The following EYS variants were observed in gnomAD, a reference collection of about 807,000 sequenced individuals.
EYS encodes EGF-like photoreceptor maintenance factor, also known as protein eyes shut homolog.
Under a neutral mutation model 282.1 loss-of-function variants are expected in EYS, and 250 were observed. The observed-to-expected ratio is 0.89, with a 90% CI of 0.80 to 0.98. The LOEUF is 0.98. EYS is among the 50% of genes least tolerant of loss of function. EYS has a pLI of 0.00. For missense variants in EYS, 4,016 were observed against 3,709.0 expected, an observed-to-expected ratio of 1.08 and a Z score of -2.15; for synonymous variants, 1,355 against 1,282.9, an observed-to-expected ratio of 1.06 and a Z score of -1.20.
Position 64,902,444 on chromosome 6 carries a change from G to A in EYS, c.2698C>T (p.Gln900Ter). ...ATATCTTCACAGTCACCATAATCCTGGCAGGAAAGGAAGAGGCAGTCTTTC... is the reference window on the plus strand; with the variant it reads ...ATATCTTCACAGTCACCATAATCCTAGCAGGAAAGGAAGAGGCAGTCTTTC... ...DVKDCLFLSC[Q>*]DYGDCEDMVN... Residue 900 changes from glutamine to a stop codon, truncating the protein, a stop_gained, in exon 17 of 43, where the codon CAG (glutamine) becomes TAG (stop). Transcript: ENST00000503581. LOFTEE classifies it high-confidence loss of function. 1 of 1,532,008 alleles carries A rather than the reference G, an allele frequency of 6.5e-7. No individual in the cohort carries two copies. Among genetic ancestry groups the A allele is most frequent in the Non-Finnish European group, 8.8e-7 (1 of 1,141,970 alleles). The allele number at this position is 1,532,008 out of a possible 1,614,324, so 94.9% of individuals were successfully genotyped here.
chr6:65,354,766 G>T lies in EYS; in HGVS notation c.1300-1149C>A, dbSNP rs561209527. On this transcript the variant is annotated intron_variant, in intron 8 of 42. Transcript: ENST00000503581. ...AGGGACGCAGAGATTGCGGTGAGCT[G>T]AGCTGAGATCACACCACTGCACTCC... Among the ~76,000 whole-genome samples the T allele has an allele frequency of 2.6e-5, 4 of 151,896 alleles. No individual in the cohort carries two copies. In the South Asian group the frequency reaches 8.3e-4, roughly 32 times the overall value.
At chr6:65,175,639 C>G (rs1057241917) in intron 12 of EYS, among the ~76,000 whole-genome samples, 3 of 151,310 alleles carry the variant, frequency 2.0e-5, no homozygotes, top group African/African-American at 7.3e-5. Context: ...TATGAATAAA[C>G]AGGTATAAGA....
intron 19 of EYS, among the ~76,000 whole-genome samples, chr6:64,826,091 G>A (rs1419205667): frequency 1.3e-5 from 2 of 151,612 alleles, no homozygotes; most frequent in African/African-American, 4.8e-5. Context: ...TTATATACCA[G>A]GTATTTCCTA....
intron 31 of EYS, among the ~76,000 whole-genome samples, chr6:64,166,993 T>C (rs1764309900): frequency 6.6e-6 from 1 of 152,244 alleles, no homozygotes; most frequent in East Asian, 1.9e-4. Flanking sequence ...ATTTAGATTT[T>C]CCACCACGTG....
intron 26 of EYS, among the ~76,000 whole-genome samples, chr6:64,569,639 G>T (rs1227878353): frequency 1.3e-5 from 2 of 152,020 alleles, no homozygotes; most frequent in Non-Finnish European, 2.9e-5. Context: ...TACTCGTGAG[G>T]CTGAGGCAGG....
At position 65,592,177 on chromosome 6, in the gene EYS, T is replaced by TA. The variant is rs1470572063; in HGVS notation, c.-333+47600dup. 2.0e-5 allele frequency among the ~76,000 whole-genome samples: 3 copies of TA among 152,002 alleles called. No homozygotes were observed. In the East Asian group the frequency reaches 5.8e-4, roughly 29 times the overall value. On this transcript the variant is annotated intron_variant, in intron 2 of 42. Transcript: ENST00000503581. ...TTTTCATAGTTAATTTAAAGTTTTC[T>TA]AAAAAATGAACATTTTCATAACTTT...
intron 30 of EYS, among the ~76,000 whole-genome samples, chr6:64,260,795 T>C (rs529024872): frequency 2.6e-5 from 4 of 152,144 alleles, no homozygotes; most frequent in East Asian, 3.9e-4. Context: ...AATTCCTTTA[T>C]TGGTATATCT....
intron 31 of EYS, among the ~76,000 whole-genome samples, chr6:64,123,347 A>C (rs937858461): frequency 6.6e-6 from 1 of 152,190 alleles, no homozygotes; most frequent in African/African-American, 2.4e-5. Context: ...ATTTTCCTGT[A>C]TGAGGTCAAA....
chr6:64,933,272 CT>C (rs2150088304), intron 15 of EYS, among the ~76,000 whole-genome samples: 1 of 151,696 alleles, frequency 6.6e-6, no homozygotes, highest in South Asian at 2.1e-4. Context: ...ATTATAAAAA[CT>C]GAAAAACAAA....
chr6:64,822,800 T>C lies in EYS; in HGVS notation c.3015A>G (p.Leu1005=), dbSNP rs1422491229. ...GYTGINCEIN[L]DECLSEPCLH... ...GACAGGGCTCTGATAGGCATTCATCTAGATTTATTTCACAGTTGATGCCTG... is the reference window on the plus strand; with the variant it reads ...GACAGGGCTCTGATAGGCATTCATCCAGATTTATTTCACAGTTGATGCCTG... The change falls in exon 20 of 43, where the codon CTA becomes CTG. Residue 1005 remains leucine (L), a synonymous_variant. Coordinates refer to ENST00000503581, the MANE Select transcript of EYS (RefSeq NM_001142800.2). The C allele has an allele frequency of 5.2e-6, 8 of 1,549,570 alleles. No homozygotes were observed. Among genetic ancestry groups the C allele is most frequent in the Non-Finnish European group, 5.2e-6 (6 of 1,145,704 alleles).
Position 64,404,378 on chromosome 6 carries a change from AGAGTGT to A in EYS, c.5928-15544_5928-15539del, listed in dbSNP as rs1483945029. Among the ~76,000 whole-genome samples the A allele has an allele frequency of 6.5e-3, 931 of 142,804 alleles. 5 individuals carry two copies. The highest frequency in any genetic ancestry group is 0.026 in the African/African-American group (885 of 34,688). The allele number at this position is 142,804 out of a possible 152,430, so 93.7% of individuals were successfully genotyped here. A position where few individuals can be genotyped will look rare whatever the true frequency, so the allele number is the denominator to read the frequency against. ...TTTCTAAATTGTAATATAGAGTGTG[AGAGTGT>A]GTGTGTGTGTGTGTGTGTGTGTGTG... On this transcript the variant is annotated intron_variant, in intron 28 of 42. Transcript: ENST00000503581.
At chr6:64,302,789 A>AC (rs1769282029) in intron 30 of EYS, among the ~76,000 whole-genome samples, 1 of 152,228 alleles carries the variant, frequency 6.6e-6, no homozygotes, top group Non-Finnish European at 1.5e-5. Context: ...ATGGAAAAGC[A>AC]CTTTGCTAAA....
chr6:64,636,311 A>G (rs1179847336), intron 22 of EYS, among the ~76,000 whole-genome samples: 1 of 152,220 alleles, frequency 6.6e-6, no homozygotes, highest in African/African-American at 2.4e-5. Context: ...CTGATCTTTG[A>G]CAAATCTGAC....
chr6:64,851,178 A>T (rs1765870609), intron 19 of EYS, among the ~76,000 whole-genome samples: 3 of 152,092 alleles, frequency 2.0e-5, no homozygotes, highest in African/African-American at 7.2e-5. Context: ...AAGGTGGAGA[A>T]CCTGATTCAG....
At chr6:64,630,500 T>C (rs952766118) in intron 22 of EYS, among the ~76,000 whole-genome samples, 13 of 152,338 alleles carry the variant, frequency 8.5e-5, no homozygotes, top group Middle Eastern at 3.4e-3. Flanking sequence ...TATTCATCTG[T>C]TGATATATAA....
chr6:65,093,245 C>T (rs983218158), intron 12 of EYS, among the ~76,000 whole-genome samples: 3 of 151,814 alleles, frequency 2.0e-5, no homozygotes, highest in African/African-American at 7.3e-5. Flanking sequence ...CCAGAAAAAC[C>T]CTGAGAGAGG....
At chr6:65,215,729 T>C (rs931943409) in intron 12 of EYS, among the ~76,000 whole-genome samples, 53 of 152,166 alleles carry the variant, frequency 3.5e-4, no homozygotes, top group Admixed American at 2.6e-4. Flanking sequence ...TTCATTGTTG[T>C]GTTATGTTAA....
rs1459465709 is a variant in EYS, at chr6:64,886,759, T to A, written c.2930A>T (p.Asp977Val). The A allele has an allele frequency of 6.5e-7, 1 of 1,548,048 alleles. No homozygotes were observed. The highest frequency in any genetic ancestry group is 2.0e-5 in the Admixed American group (1 of 50,654). Residue 977 changes from aspartate to valine, a missense_variant, in exon 19 of 43, where the codon GAT becomes GTT. Asp to Val is a radical substitution (Grantham distance 152). Coordinates refer to ENST00000503581, the MANE Select transcript of EYS (RefSeq NM_001142800.2). The part of the protein sequence containing the change: ...VNKCKISPCL[D>V]EENCVYRTDG... ...AGTCCTGTAGACACAATTTTCTTCA[T>A]CTAGACAAGGTGAGATTTTACATTT...
At chr6:65,381,713 TTATC>T (rs1765616455) in intron 8 of EYS, among the ~76,000 whole-genome samples, 1 of 152,070 alleles carries the variant, frequency 6.6e-6, no homozygotes, top group South Asian at 2.1e-4. Context: ...TATCTAAAGA[TTATC>T]TATACAATAT....
Sources: gnomAD v4.1 joint callset for allele counts (sites outside exome capture counted in the v4.1 genomes callset) on GRCh38, gnomAD v4.1.1 for gene constraint, MANE v1.5 for transcripts, NCBI Gene and HGNC (gene_info 2026-07-23, HGNC 2026-07-21) for gene names.